The following HERC1 variants were observed in gnomAD, a reference collection of about 807,000 sequenced individuals.
The protein encoded by HERC1 is HECT and RLD domain containing E3 ubiquitin protein ligase family member 1.
A neutral mutation model predicts 554.3 loss-of-function variants in HERC1; 160 were observed. That is an observed-to-expected ratio of 0.29 (90% CI 0.25 to 0.33). The LOEUF is 0.33. Among genes scored for constraint, HERC1 ranks in the 10% least tolerant of loss-of-function variants. The pLI is 1.00. For missense variants in HERC1, 4,919 were observed against 5,918.5 expected (o/e 0.83, Z 5.54); for synonymous variants, 2,175 against 2,131.7 (o/e 1.02, Z -0.56).
Position 63,634,751 on chromosome 15 carries a change from C to T in HERC1, c.12552G>A (p.Glu4184=), listed in dbSNP as rs947021532. 6.2e-7 allele frequency: 1 copy of T among 1,612,790 alleles called. No homozygotes were observed. The highest frequency in any genetic ancestry group is 8.5e-7 in the Non-Finnish European group (1 of 1,179,148). ...KKLPERVTAL[E]GYQIGQVACG... ...TCCATGCCTGTCCAATCTGATATCC[C>T]TCCAGTGCAGTCACTCTCTCTGGAA... Residue 4184 remains glutamate, a synonymous_variant, in exon 66 of 78, where the codon GAG becomes GAA. Transcript: ENST00000443617.
At chr15:63,748,724 T>C (rs1315530272) in intron 10 of HERC1, among the ~76,000 whole-genome samples, 1 of 152,198 alleles carries the variant, frequency 6.6e-6, no homozygotes, top group Non-Finnish European at 1.5e-5. Flanking sequence ...GAGTATCATT[T>C]TAAAACCCTG....
At chr15:63,825,618 G>GT in intron 1 of HERC1, among the ~76,000 whole-genome samples, 1 of 151,932 alleles carries the variant, frequency 6.6e-6, no homozygotes. Flanking sequence ...GTAAAATGAA[G>GT]TATTATTTGA....
intron 55 of HERC1, among the ~76,000 whole-genome samples, chr15:63,646,821 C>CA (rs1156459358): frequency 1.3e-4 from 14 of 104,664 alleles, no homozygotes; most frequent in Non-Finnish European, 2.0e-4. Flanking sequence ...AAAAAACAAA[C>CA]AAACAAACAA....
chr15:63,644,526 C>G (rs2069232048), intron 57 of HERC1, among the ~76,000 whole-genome samples: 1 of 151,632 alleles, frequency 6.6e-6, no homozygotes. Context: ...TTGCTTTTTA[C>G]CCTCTCCAAA....
At chr15:63,690,032 C>T (rs1289518051) in intron 32 of HERC1, among the ~76,000 whole-genome samples, 1 of 151,884 alleles carries the variant, frequency 6.6e-6, no homozygotes, top group Non-Finnish European at 1.5e-5. Context: ...GGCATGGTAG[C>T]ATGTGCCTAT....
Position 63,624,238 on chromosome 15 carries a change from T to C in HERC1, c.13365A>G (p.Pro4455=). 2 of 1,613,822 alleles carry C rather than the reference T, an allele frequency of 1.2e-6. No homozygotes were observed. Among genetic ancestry groups the C allele is most frequent in the Admixed American group, 1.7e-5 (1 of 60,028 alleles). Residue 4455 remains proline, a synonymous_variant, in exon 72 of 78, where the codon CCA becomes CCG. Transcript: ENST00000443617. The part of the protein sequence containing the change: ...PLLAPRVYTL[P]MVRSIGKTMV... ...TGGTTTTTCCTATGGAGCGCACCAT[T>C]GGCAGAGTGTAGACTCTTGGGGCTA... is the stretch of plus-strand genomic sequence containing the variant.
chr15:63,776,603 T>C (rs2076123633), intron 1 of HERC1, among the ~76,000 whole-genome samples: 2 of 152,198 alleles, frequency 1.3e-5, no homozygotes, highest in Admixed American at 1.3e-4. Flanking sequence ...GTGAGGAGCA[T>C]GAGGACACTT....
chr15:63,729,463 G>C, intron 15 of HERC1, 34 bp downstream of exon 15: 1 of 1,607,020 alleles, frequency 6.2e-7, no homozygotes, highest in African/African-American at 1.3e-5. Flanking sequence ...CAAGGTCCCT[G>C]ATAGATCACC....
chr15:63,630,400 C>T (rs2068494578), intron 69 of HERC1, 66 bp downstream of exon 69: 2 of 1,488,696 alleles, frequency 1.3e-6, no homozygotes, highest in Admixed American at 1.9e-5. Context: ...TTATCTCTTT[C>T]CCCAACTGAG....
At chr15:63,752,841 G>A in intron 8 of HERC1, 117 bp downstream of exon 8, 1 of 966,200 alleles carries the variant, frequency 1.0e-6, no homozygotes, top group Non-Finnish European at 1.5e-6. Context: ...TTTCATTTTA[G>A]CATGTTGCCT....
At chr15:63,728,172 T>C (rs1481367822) in intron 16 of HERC1, among the ~76,000 whole-genome samples, 1 of 152,212 alleles carries the variant, frequency 6.6e-6, no homozygotes, top group African/African-American at 2.4e-5. Context: ...TCAAGAAATA[T>C]TTATTGACAT....
rs767801371 is a variant in HERC1 at position 63,662,967 on chromosome 15, G to A, written c.8901+17C>T. On this transcript the variant is annotated intron_variant, in intron 44 of 77. Coordinates refer to ENST00000443617, the MANE Select transcript of HERC1 (RefSeq NM_003922.4). ...AGGAAAATAAGTCAGAGCAGCCCCC[G>A]CTGCAGTCACACACACCCAGGTAGG... 8.8e-6 allele frequency: 14 copies of A among 1,595,206 alleles called. No homozygotes were observed. The highest frequency in any genetic ancestry group is 4.5e-5 in the East Asian group (2 of 44,774).
Position 63,729,558 on chromosome 15 carries a change from T to C in HERC1, c.2960A>G (p.Glu987Gly). Residue 987 changes from glutamate to glycine, a missense_variant, in exon 15 of 78, where the codon GAA becomes GGA. Glu to Gly is a moderately conservative substitution (Grantham distance 98). Transcript: ENST00000443617. ...CTGTTTCTGTAGTGAACATAGCAGT[T>C]CATGAAGATGAGCAGGCTGACTGTT... is the stretch of plus-strand genomic sequence containing the variant. ...SENSQPAHLH[E>G]LLCSLQKQLL... 1 of 1,613,898 alleles carries C rather than the reference T, an allele frequency of 6.2e-7. No homozygotes were observed. Among genetic ancestry groups the C allele is most frequent in the Non-Finnish European group, 8.5e-7 (1 of 1,179,810 alleles).
intron 2 of HERC1, among the ~76,000 whole-genome samples, chr15:63,768,815 A>G (rs2075863024): frequency 6.6e-6 from 1 of 152,364 alleles, no homozygotes; most frequent in South Asian, 2.1e-4. Flanking sequence ...GATGCCCACA[A>G]CATTTAGAGC....
chr15:63,708,947 A>G (rs1464011300), intron 24 of HERC1, among the ~76,000 whole-genome samples: 1 of 152,132 alleles, frequency 6.6e-6, no homozygotes, highest in African/African-American at 2.4e-5. Flanking sequence ...ATCTTTTGAC[A>G]CTATCTTTGT....
At chr15:63,671,438 T>C (rs2070917742) in intron 39 of HERC1, among the ~76,000 whole-genome samples, 1 of 152,042 alleles carries the variant, frequency 6.6e-6, no homozygotes, top group South Asian at 2.1e-4. Flanking sequence ...TCCTTATTCT[T>C]TGAACAGACG....
Position 63,645,523 on chromosome 15 carries a change from G to T in HERC1, c.11038C>A (p.Leu3680Ile). The T allele has an allele frequency of 6.2e-7, 1 of 1,612,304 alleles. No individual in the cohort carries two copies. The highest frequency in any genetic ancestry group is 8.5e-7 in the Non-Finnish European group (1 of 1,179,246). Residue 3680 changes from leucine to isoleucine, a missense_variant, in exon 56 of 78, where the codon CTT (leucine) becomes ATT (isoleucine). Physicochemically the swap from Leu to Ile is conservative, Grantham distance 5. This residue lies in a region of HERC1 where 1,963 missense variants were observed against 2,228.6 expected (regional missense o/e 0.88). Coordinates refer to ENST00000443617, the MANE Select transcript of HERC1 (RefSeq NM_003922.4). The stretch of plus-strand genomic sequence containing the variant: ...TGCAACTTGGATCCTTTCCCTGGAA[G>T]GCGGCACCAAGCAATGCCATTTACA... ...SIVNGIAWCR[L>I]PGKGSKLQLL... is the part of the protein sequence containing the mutation.
chr15:63,660,542 C>T (rs376143004), intron 46 of HERC1, among the ~76,000 whole-genome samples: 1 of 152,070 alleles, frequency 6.6e-6, no homozygotes, highest in Non-Finnish European at 1.5e-5. Flanking sequence ...GAGGTTTAAA[C>T]TAATTAAAAA....
intron 36 of HERC1, among the ~76,000 whole-genome samples, chr15:63,679,552 G>A (rs2071375528): frequency 6.6e-6 from 1 of 152,088 alleles, no homozygotes; most frequent in Non-Finnish European, 1.5e-5. Context: ...ACCAGCACAG[G>A]GAGATCACAA....
Sources: gnomAD v4.1 joint callset for allele counts (sites outside exome capture counted in the v4.1 genomes callset) on GRCh38, gnomAD v4.1.1 for gene constraint, gnomAD v4.1.1 regional missense constraint, MANE v1.5 for transcripts, NCBI Gene and HGNC (gene_info 2026-07-23, HGNC 2026-07-21) for gene names.